KNTC1: variants seen among roughly 807,000 people sequenced by gnomAD.
The protein encoded by KNTC1 is kinetochore-associated protein 1.
KNTC1 carries 253 observed loss-of-function variants against 314.4 expected under a neutral mutation model. That is an observed-to-expected ratio of 0.80 (90% CI 0.73 to 0.89). The LOEUF (loss-of-function observed/expected upper bound fraction) is 0.89, where lower values mean the gene tolerates loss of function less well. Among genes scored for constraint, KNTC1 ranks in the 40% least tolerant of loss-of-function variants. The pLI, the probability that KNTC1 is intolerant of heterozygous loss-of-function variation, is 0.00. For missense variants in KNTC1, 2,475 were observed against 2,572.9 expected, an observed-to-expected ratio of 0.96 and a Z score of 0.82; for synonymous variants, 901 against 901.4, an observed-to-expected ratio of 1.00 and a Z score of 0.01.
intron 31 of KNTC1, 141 bp from the exon 32 acceptor site, chr12:122,579,764 A>G (rs1965279117): frequency 6.4e-6 from 4 of 624,578 alleles, no homozygotes; most frequent in African/African-American, 3.6e-5. Flanking sequence ...TATAACGCTC[A>G]TTAACCATCC....
At position 122,551,355 on chromosome 12, in the gene KNTC1, G is replaced by T; in HGVS notation, c.1123G>T (p.Asp375Tyr). The T allele has an allele frequency of 2.5e-6, 4 of 1,595,140 alleles. No individual in the cohort carries two copies. Among genetic ancestry groups the T allele is most frequent in the Non-Finnish European group, 3.4e-6 (4 of 1,166,642 alleles). The change falls in exon 14 of 64, where the codon GAT becomes TAT. Residue 375 changes from aspartate (D) to tyrosine (Y), a missense_variant. Coordinates refer to ENST00000333479, the MANE Select transcript of KNTC1 (RefSeq NM_014708.6). ...IYLLEGVCKNDPKLSEDSVSV... is the reference protein window; with the variant it reads ...IYLLEGVCKNYPKLSEDSVSV... ...CCTTTTAGAAGGAGTTTGCAAAAAT[G>T]ATCCAAAGTAGGTCATGTTTTACCG...
intron 29 of KNTC1, among the ~76,000 whole-genome samples, chr12:122,576,324 C>T (rs933095106): frequency 2.1e-4 from 32 of 152,234 alleles, no homozygotes; most frequent in African/African-American, 7.7e-4. Context: ...CTGCCTCGGC[C>T]TCCCATAGTG....
At chr12:122,533,114 G>A (rs79595031) in intron 2 of KNTC1, among the ~76,000 whole-genome samples, 4 of 151,400 alleles carry the variant, frequency 2.6e-5, no homozygotes, top group Non-Finnish European at 5.9e-5. Flanking sequence ...CTAGAGAGAA[G>A]AGTCTAGAGA....
At chr12:122,576,211 T>C (rs1319153393) in intron 29 of KNTC1, among the ~76,000 whole-genome samples, 2 of 151,026 alleles carry the variant, frequency 1.3e-5, no homozygotes, top group East Asian at 4.1e-4. Flanking sequence ...AGGCATGCAC[T>C]ACCACGCTTG....
chr12:122,613,439 CTGAA>C (rs1873402768), intron 54 of KNTC1, 183 bp from the exon 55 acceptor site: 1 of 662,454 alleles, frequency 1.5e-6, no homozygotes, highest in South Asian at 2.2e-5. Flanking sequence ...CATTTAGAAA[CTGAA>C]TGTTTTATTT....
chr12:122,587,968 T>C, intron 39 of KNTC1, 94 bp downstream of exon 39: 1 of 1,045,384 alleles, frequency 9.6e-7, no homozygotes, highest in Non-Finnish European at 1.3e-6. Context: ...CCTATTGTCT[T>C]TGTAGCAAGG....
At chr12:122,584,218 G>T (rs1196017582) in intron 34 of KNTC1, 60 bp from the exon 35 acceptor site, 2 of 1,164,162 alleles carry the variant, frequency 1.7e-6, no homozygotes, top group African/African-American at 3.1e-5. Flanking sequence ...ATCCAAGAAA[G>T]GCCATGCGTT....
intron 62 of KNTC1, among the ~76,000 whole-genome samples, chr12:122,623,300 C>G (rs1874636205): frequency 6.6e-6 from 1 of 152,112 alleles, no homozygotes; most frequent in Non-Finnish European, 1.5e-5. Flanking sequence ...TGGGATAGAG[C>G]TGGGGGTGGA....
chr12:122,622,463 T>C lies in KNTC1; in HGVS notation c.6371T>C (p.Ile2124Thr). 1 of 1,570,314 alleles carries C rather than the reference T, an allele frequency of 6.4e-7. No homozygotes were observed. The highest frequency in any genetic ancestry group is 8.7e-7 in the Non-Finnish European group (1 of 1,152,256). ...TTAATGATACCTGTCATTCTATAGA[T>C]TAGAAGTCTGATTTTGAATAATATC... ...TGQLAGFSHQ[I>T]RSLILNNIIN... Residue 2124 changes from isoleucine to threonine, a missense_variant and splice_region_variant, in exon 62 of 64, where the codon ATT becomes ACT. Ile to Thr is a moderately conservative substitution (Grantham distance 89). Transcript: ENST00000333479.
At chr12:122,595,526 T>C (rs1870913669) in intron 43 of KNTC1, among the ~76,000 whole-genome samples, 2 of 152,228 alleles carry the variant, frequency 1.3e-5, no homozygotes, top group African/African-American at 4.8e-5. Context: ...GTGCATTTCC[T>C]GCACTGGGCA....
intron 5 of KNTC1, among the ~76,000 whole-genome samples, chr12:122,541,098 A>G (rs906146411): frequency 1.7e-4 from 26 of 151,984 alleles, no homozygotes; most frequent in African/African-American, 6.3e-4. Flanking sequence ...TTGGGCCTGC[A>G]GTGAGCTGCG....
rs61751322 is a variant in KNTC1, at chr12:122,573,245, A to G, written c.2243A>G (p.His748Arg). Reference protein sequence around the residue: ...EKFIRVYMREHDLQEEELLLL... With the variant: ...EKFIRVYMRERDLQEEELLLL... ...TTTATAAGAGTTTACATGAGAGAAC[A>G]TGACTTGCAAGAGGAGGAACTTCTC... The change falls in exon 26 of 64, where the codon CAT becomes CGT. Residue 748 changes from histidine to arginine, a missense_variant. Coordinates refer to ENST00000333479, the MANE Select transcript of KNTC1 (RefSeq NM_014708.6). 87,196 of 1,613,630 alleles carry G rather than the reference A, an allele frequency of 0.054. 2,909 individuals carry two copies. The highest frequency in any genetic ancestry group is 0.072 in the Middle Eastern group (436 of 6,060).
Position 122,547,522 on chromosome 12 carries a change from A to G in KNTC1, c.924A>G (p.Ser308=). ...CTACAGAAGCAGACTCTCCTTCATC[A>G]GTCACGTGGTATGTTATGACTATGG... ...LLTTEADSPS[S]VTWQGITNLK... Residue 308 remains serine (S), a synonymous_variant, in exon 11 of 64, where the codon TCA becomes TCG. Transcript: ENST00000333479. The G allele has an allele frequency of 6.3e-7, 1 of 1,592,914 alleles. No homozygotes were observed. The highest frequency in any genetic ancestry group is 2.2e-5 in the East Asian group (1 of 44,768).
At chr12:122,554,071 A>AT (rs1555224785) in intron 16 of KNTC1, among the ~76,000 whole-genome samples, 114 of 78,932 alleles carry the variant, frequency 1.4e-3, no homozygotes, top group Middle Eastern at 6.4e-3. Context: ...CCTTAAAAAA[A>AT]AAAAAATATA....
intron 42 of KNTC1, chr12:122,593,869 G>A (rs139046072): frequency 7.6e-4 from 124 of 162,752 alleles, no homozygotes; most frequent in African/African-American, 2.9e-3. Flanking sequence ...GCCTCCCACA[G>A]TGCTGGGATT....
intron 52 of KNTC1, 90 bp downstream of exon 52, chr12:122,609,520 G>A: frequency 1.2e-6 from 1 of 829,348 alleles, no homozygotes; most frequent in Non-Finnish European, 1.9e-6. Flanking sequence ...TTTTTTTAAA[G>A]GGCTTTCTTG....
At chr12:122,542,188 G>C in intron 6 of KNTC1, 61 bp downstream of exon 6, 1 of 1,162,068 alleles carries the variant, frequency 8.6e-7, no homozygotes, top group South Asian at 1.5e-5. Context: ...TTTTATTAAT[G>C]TAATAGTAAA....
intron 53 of KNTC1, among the ~76,000 whole-genome samples, chr12:122,612,300 A>G (rs1873229223): frequency 6.6e-6 from 1 of 151,778 alleles, no homozygotes; most frequent in South Asian, 2.1e-4. Flanking sequence ...TCCTGACCTC[A>G]GGTGATCCAC....
rs968385497 is a variant in KNTC1 at position 122,543,624 on chromosome 12, C to T, written c.548C>T (p.Thr183Ile). 1.3e-6 allele frequency: 2 copies of T among 1,556,204 alleles called. No individual in the cohort carries two copies. The highest frequency in any genetic ancestry group is 1.7e-6 in the Non-Finnish European group (2 of 1,148,084). The change falls in exon 7 of 64, where the codon ACA (threonine) becomes ATA (isoleucine). Residue 183 changes from threonine (T) to isoleucine (I), a missense_variant. Coordinates refer to ENST00000333479, the MANE Select transcript of KNTC1 (RefSeq NM_014708.6). ...GCAATTGAGAATGTAGACTTCAGTA[C>T]AGCAAAAAAGGTAAGAAAATAAATC... ...QQAIENVDFS[T>I]AKKLQGQIKS...
Sources: allele counts gnomAD v4.1 joint callset (sites outside exome capture counted in the v4.1 genomes callset), GRCh38; gene constraint gnomAD v4.1.1; transcripts MANE v1.5; gene names NCBI Gene and HGNC (gene_info 2026-07-23, HGNC 2026-07-21).